The following NMT2 variants were observed in gnomAD, a reference collection of about 807,000 sequenced individuals.
NMT2 encodes glycylpeptide N-tetradecanoyltransferase 2.
NMT2 carries 35 observed loss-of-function variants against 65.4 expected under a neutral mutation model. The ratio of observed to expected loss-of-function variants is 0.54; its 90% CI spans 0.41 to 0.71. The LOEUF (loss-of-function observed/expected upper bound fraction) is 0.71, where lower values mean the gene tolerates loss of function less well. NMT2 is among the 30% of genes least tolerant of loss of function. The probability of loss-of-function intolerance (pLI) is 0.00; values close to 1 mark genes in which losing one functional copy is unlikely to be tolerated. For missense variants in NMT2, 489 were observed against 611.3 expected (o/e 0.80, Z 2.11); for synonymous variants, 226 against 231.8 (o/e 0.98, Z 0.23).
chr10:15,165,487 T>C (rs1833347669), intron 1 of NMT2, among the ~76,000 whole-genome samples: 1 of 152,198 alleles, frequency 6.6e-6, no homozygotes, highest in African/African-American at 2.4e-5. Flanking sequence ...GTCTCACTAA[T>C]TAAAACTGAC....
Position 15,107,282 on chromosome 10 carries a change from TAAG to T in NMT2, c.*1910_*1912del. 2.2e-6 allele frequency: 2 copies of T among 925,052 alleles called. No individual in the cohort carries two copies. Among genetic ancestry groups the T allele is most frequent in the Non-Finnish European group, 2.6e-6 (2 of 774,982 alleles). 57.3% of individuals were successfully genotyped at this position (925,052 alleles called of 1,614,324 possible). On this transcript the variant is annotated 3_prime_UTR_variant, in exon 12 of 12. Coordinates refer to ENST00000378165, the MANE Select transcript of NMT2 (RefSeq NM_004808.3). The stretch of plus-strand genomic sequence containing the variant: ...TCTTAGCCTGTGGGCTACACAAAAA[TAAG>T]CAATGGGCTGGATTTAGCCCACAGG...
At chr10:15,115,132 G>A (rs536557161) in intron 9 of NMT2, among the ~76,000 whole-genome samples, 13 of 152,224 alleles carry the variant, frequency 8.5e-5, no homozygotes, top group Admixed American at 3.9e-4. Context: ...TCTTCAAATA[G>A]AAAGGAAATA....
chr10:15,122,262 GA>G (rs1345887569), intron 8 of NMT2, among the ~76,000 whole-genome samples: 5 of 151,344 alleles, frequency 3.3e-5, no homozygotes, highest in East Asian at 3.9e-4. Context: ...ATTCAGAAAT[GA>G]AAAAAAAATT....
chr10:15,143,191 A>T (rs2131582857), intron 1 of NMT2, among the ~76,000 whole-genome samples: 1 of 152,338 alleles, frequency 6.6e-6, no homozygotes, highest in African/African-American at 2.4e-5. Context: ...CTCAATGGTA[A>T]AGCCTACTGC....
rs367654632 is a variant in NMT2, at chr10:15,140,634, C to T, written c.246+788G>A. On this transcript the variant is annotated intron_variant, in intron 2 of 11. Transcript: ENST00000378165. ...CTGGGCTCAATGGATCCTCCCACCT[C>T]GGCCTCCCAAAGTGCTGGGACTACA... Among the ~76,000 whole-genome samples, 78 of 148,440 alleles carry T rather than the reference C, an allele frequency of 5.3e-4. 2 individuals carry two copies. The South Asian group carries it at 0.014, about 26-fold the overall frequency.
At chr10:15,168,151 T>C (rs1833437442) in intron 1 of NMT2, among the ~76,000 whole-genome samples, 1 of 151,630 alleles carries the variant, frequency 6.6e-6, no homozygotes, top group African/African-American at 2.4e-5. Flanking sequence ...GCGTAGCGCC[T>C]CTCCTCGGCG....
At chr10:15,130,054 C>G in intron 7 of NMT2, 88 bp downstream of exon 7, 1 of 1,038,392 alleles carries the variant, frequency 9.6e-7, no homozygotes, top group East Asian at 2.9e-5. Context: ...ATCTCTGCTA[C>G]CAGCAAAAAC....
At chr10:15,137,741 A>T (rs1846565909) in intron 2 of NMT2, among the ~76,000 whole-genome samples, 1 of 152,022 alleles carries the variant, frequency 6.6e-6, no homozygotes, top group Non-Finnish European at 1.5e-5. Context: ...TTGTTCCTTG[A>T]TTTCTTTCCT....
chr10:15,162,918 A>G (rs540493811), intron 1 of NMT2, among the ~76,000 whole-genome samples: 27 of 149,912 alleles, frequency 1.8e-4, no homozygotes, highest in Non-Finnish European at 3.4e-4. Context: ...ATATATACAT[A>G]TAAGAGAGAG....
chr10:15,139,552 AAG>A (rs1846655277), intron 2 of NMT2, among the ~76,000 whole-genome samples: 2 of 152,030 alleles, frequency 1.3e-5, no homozygotes, highest in South Asian at 4.1e-4. Context: ...TAGAAACGGG[AAG>A]AGTGTTTTGC....
rs1466018846 is a variant in NMT2 at position 15,107,418 on chromosome 10, T to C, written c.*1777A>G. ...AAAACAATTAACTTCTGCACTGAAC[T>C]TCCTAGGCACTGGCCCAGTAAAAGC... On this transcript the variant is annotated 3_prime_UTR_variant, in exon 12 of 12. Coordinates refer to ENST00000378165, the MANE Select transcript of NMT2 (RefSeq NM_004808.3). The C allele has an allele frequency of 4.1e-6, 4 of 985,324 alleles. No homozygotes were observed. The highest frequency in any genetic ancestry group is 4.8e-6 in the Non-Finnish European group (4 of 829,932). 61.0% of individuals were successfully genotyped at this position (985,324 alleles called of 1,614,324 possible).
intron 1 of NMT2, among the ~76,000 whole-genome samples, chr10:15,146,810 G>A (rs576905930): frequency 2.0e-5 from 3 of 152,116 alleles, no homozygotes; most frequent in Non-Finnish European, 2.9e-5. Flanking sequence ...GAGTGACATC[G>A]GGCTGGGTGC....
At chr10:15,132,453 G>C (rs1417679492) in intron 6 of NMT2, among the ~76,000 whole-genome samples, 1 of 151,922 alleles carries the variant, frequency 6.6e-6, no homozygotes, top group East Asian at 1.9e-4. Context: ...TTGAGATGGA[G>C]TTTCGCTCAT....
intron 2 of NMT2, chr10:15,139,919 T>C (rs1846681786): frequency 7.6e-6 from 1 of 131,626 alleles, no homozygotes; most frequent in Non-Finnish European, 1.6e-5. Flanking sequence ...ATGCACTGTT[T>C]TAGGATGTAA....
intron 2 of NMT2, chr10:15,139,709 G>A (rs1846661741): frequency 6.6e-6 from 1 of 151,146 alleles, no homozygotes. Context: ...GAAAAATTGG[G>A]GCAAGTAATT....
intron 8 of NMT2, among the ~76,000 whole-genome samples, chr10:15,121,012 C>T (rs1267125259): frequency 2.0e-5 from 3 of 152,132 alleles, no homozygotes; most frequent in African/African-American, 7.2e-5. Context: ...CAGCTGTTGT[C>T]CTTGTAAAAG....
At chr10:15,149,993 T>C (rs1001615566) in intron 1 of NMT2, among the ~76,000 whole-genome samples, 1 of 152,236 alleles carries the variant, frequency 6.6e-6, no homozygotes, top group African/African-American at 2.4e-5. Context: ...ACCTATTTTA[T>C]GGAATTGTAA....
chr10:15,162,251 C>CAAAAAAAAAAAAAAAAAAAAAAAAAAAA (rs35457996), intron 1 of NMT2, among the ~76,000 whole-genome samples: 1 of 68,150 alleles, frequency 1.5e-5, no homozygotes, highest in Non-Finnish European at 2.9e-5. Context: ...GACCTTGTCT[C>CAAAAAAAAAAAAAAAAAAAAAAAAAAAA]AAAAAAAAAA....
intron 9 of NMT2, among the ~76,000 whole-genome samples, chr10:15,118,065 C>T (rs376120877): frequency 8.1e-4 from 124 of 152,262 alleles, no homozygotes; most frequent in African/African-American, 2.7e-3. Context: ...TTAAAATGAT[C>T]TTGACAAACA....
Sources: gnomAD v4.1 joint callset for allele counts (sites outside exome capture counted in the v4.1 genomes callset) on GRCh38, gnomAD v4.1.1 for gene constraint, MANE v1.5 for transcripts, NCBI Gene and HGNC (gene_info 2026-07-23, HGNC 2026-07-21) for gene names.